The following CACNA2D3 variants were observed in gnomAD, a reference collection of about 807,000 sequenced individuals.
CACNA2D3 encodes calcium voltage-gated channel auxiliary subunit alpha2delta 3.
In CACNA2D3, 60 loss-of-function variants were observed where a neutral mutation model predicts 160.6. The ratio of observed to expected loss-of-function variants is 0.37; its 90% CI spans 0.30 to 0.46. CACNA2D3 has a LOEUF of 0.46. Among genes scored for constraint, CACNA2D3 ranks in the 20% least tolerant of loss-of-function variants. CACNA2D3 has a pLI of 1.00. For missense variants in CACNA2D3, 1,205 were observed against 1,365.0 expected (o/e 0.88, Z 1.85); for synonymous variants, 558 against 492.9 (o/e 1.13, Z -1.75).
At chr3:54,866,672 T>TTTTA (rs1408136724) in intron 17 of CACNA2D3, among the ~76,000 whole-genome samples, 1 of 152,214 alleles carries the variant, frequency 6.6e-6, no homozygotes, top group East Asian at 1.9e-4. Context: ...AGGGTTTTTG[T>TTTTA]TTTATTTAAA....
At chr3:54,382,034 A>G (rs1272459011) in intron 3 of CACNA2D3, among the ~76,000 whole-genome samples, 2 of 152,344 alleles carry the variant, frequency 1.3e-5, no homozygotes, top group African/African-American at 2.4e-5. Context: ...TTTGTGGACA[A>G]AACTGCTGTT....
At chr3:54,918,485 CT>C (rs773960758) in intron 27 of CACNA2D3, 1 of 1,612,624 alleles carries the variant, frequency 6.2e-7, no homozygotes, top group Middle Eastern at 1.7e-4. Flanking sequence ...TCAAATCGCT[CT>C]TTTTCTTCCA....
intron 4 of CACNA2D3, among the ~76,000 whole-genome samples, chr3:54,471,210 C>T (rs1458445843): frequency 6.6e-6 from 1 of 152,184 alleles, no homozygotes; most frequent in Non-Finnish European, 1.5e-5. Context: ...TTTCTCAGAC[C>T]ACAGTGCAAT....
At chr3:54,839,422 G>A (rs892402617) in intron 16 of CACNA2D3, among the ~76,000 whole-genome samples, 2 of 152,130 alleles carry the variant, frequency 1.3e-5, no homozygotes, top group Admixed American at 1.3e-4. Context: ...TCTAAATGTA[G>A]GCATGAGCAT....
chr3:54,703,402 TA>T (rs909909377), intron 11 of CACNA2D3, among the ~76,000 whole-genome samples: 1 of 152,174 alleles, frequency 6.6e-6, no homozygotes. Flanking sequence ...AAACTAAATG[TA>T]AAAGTAGTTT....
Position 54,871,204 on chromosome 3 carries a change from C to CACACACACAGAG in CACNA2D3, c.1627-326_1627-325insGAGACACACACA, listed in dbSNP as rs1553897833. Among the ~76,000 whole-genome samples the CACACACACAGAG allele has an allele frequency of 2.1e-3, 309 of 145,926 alleles. 3 individuals carry two copies. The highest frequency in any genetic ancestry group is 7.7e-3 in the African/African-American group (287 of 37,318). On this transcript the variant is annotated intron_variant, in intron 17 of 37. Coordinates refer to ENST00000474759, the MANE Select transcript of CACNA2D3 (RefSeq NM_018398.3). Reference sequence around the variant, plus strand: ...GGAGACACACACACACACACACACACACACACACACACACACACACCCCCC... The same window carrying CACACACACAGAG: ...GGAGACACACACACACACACACACACACACACACAGAGACACACACACACACACACACCCCCC...
At position 54,410,741 on chromosome 3, in the gene CACNA2D3, C is replaced by T. The variant is rs557884559; in HGVS notation, c.381+23967C>T. Among the ~76,000 whole-genome samples, 6 of 152,300 alleles carry T rather than the reference C, an allele frequency of 3.9e-5. No homozygotes were observed. In the East Asian group the frequency reaches 5.8e-4, roughly 15 times the overall value. On this transcript the variant is annotated intron_variant, in intron 4 of 37. Coordinates refer to ENST00000474759, the MANE Select transcript of CACNA2D3 (RefSeq NM_018398.3). ...TTAATGTTGTTTTCATGCCTGCTAA[C>T]GCAACATCCGTTCTACAGTCCACGG...
intron 4 of CACNA2D3, among the ~76,000 whole-genome samples, chr3:54,474,446 T>C (rs887288113): frequency 2.6e-5 from 4 of 152,040 alleles, no homozygotes; most frequent in African/African-American, 9.7e-5. Context: ...ATACCTAATG[T>C]AGATGATGGG....
At chr3:54,156,958 A>G (rs1162136711) in intron 2 of CACNA2D3, among the ~76,000 whole-genome samples, 1 of 152,218 alleles carries the variant, frequency 6.6e-6, no homozygotes, top group East Asian at 1.9e-4. Flanking sequence ...CTATACAGTA[A>G]TAGATAGTAC....
intron 2 of CACNA2D3, among the ~76,000 whole-genome samples, chr3:54,154,206 T>C (rs1208167512): frequency 1.3e-5 from 2 of 152,248 alleles, no homozygotes; most frequent in Non-Finnish European, 2.9e-5. Context: ...GGTTTTACTA[T>C]GTATCAAGTT....
At chr3:54,206,883 G>A (rs1701285627) in intron 2 of CACNA2D3, among the ~76,000 whole-genome samples, 1 of 152,150 alleles carries the variant, frequency 6.6e-6, no homozygotes, top group African/African-American at 2.4e-5. Context: ...TTTATTTCTT[G>A]GTCATGACTA....
At chr3:54,334,069 G>C (rs2107520358) in intron 3 of CACNA2D3, among the ~76,000 whole-genome samples, 1 of 152,224 alleles carries the variant, frequency 6.6e-6, no homozygotes, top group African/African-American at 2.4e-5. Context: ...CCAGTCATTT[G>C]TTTTATGTGT....
chr3:54,386,681 A>C, intron 3 of CACNA2D3, 34 bp from the exon 4 acceptor site: 1 of 1,516,614 alleles, frequency 6.6e-7, no homozygotes, highest in Non-Finnish European at 8.8e-7. Flanking sequence ...TCTGATCCTT[A>C]ATGCTGTCTT....
chr3:54,698,578 C>T (rs901106385), intron 11 of CACNA2D3, among the ~76,000 whole-genome samples: 5 of 152,128 alleles, frequency 3.3e-5, no homozygotes, highest in African/African-American at 1.2e-4. Context: ...AAATACTTGA[C>T]ATTCGGAAGG....
At chr3:54,845,141 G>A (rs892200330) in intron 16 of CACNA2D3, among the ~76,000 whole-genome samples, 1 of 123,052 alleles carries the variant, frequency 8.1e-6, no homozygotes, top group Non-Finnish European at 1.7e-5. Flanking sequence ...ATCTTATTAA[G>A]ACTTGCTGTG....
intron 5 of CACNA2D3, among the ~76,000 whole-genome samples, chr3:54,535,777 A>G (rs1386274823): frequency 1.3e-5 from 2 of 152,248 alleles, no homozygotes; most frequent in Non-Finnish European, 2.9e-5. Context: ...ACATCAGGAC[A>G]TATTGTCCAA....
intron 35 of CACNA2D3, among the ~76,000 whole-genome samples, chr3:55,072,829 G>T (rs1417366611): frequency 6.6e-6 from 1 of 152,202 alleles, no homozygotes; most frequent in African/African-American, 2.4e-5. Flanking sequence ...TGGATCAGAA[G>T]GTCAGAGCAG....
rs2107239247 is a variant in CACNA2D3 at position 54,122,809 on chromosome 3, C to T, written c.96C>T (p.Arg32=). Residue 32 remains arginine (R), a synonymous_variant, in exon 1 of 38, where the codon CGC becomes CGT. Transcript: ENST00000474759. Reference sequence around the variant, plus strand: ...ACGCCGCGCTGGGGGACGTGGTGCGCTCGGAGCAGCAGATACCGCTCTCCG... The same window carrying T: ...ACGCCGCGCTGGGGGACGTGGTGCGTTCGGAGCAGCAGATACCGCTCTCCG... ...LLYAALGDVV[R]SEQQIPLSVV... 3.2e-6 allele frequency: 4 copies of T among 1,232,614 alleles called. No homozygotes were observed. The highest frequency in any genetic ancestry group is 6.4e-5 in the East Asian group (2 of 31,110). The allele number at this position is 1,232,614 out of a possible 1,614,324, so 76.4% of individuals were successfully genotyped here.
intron 27 of CACNA2D3, among the ~76,000 whole-genome samples, chr3:54,904,466 C>G (rs1355168257): frequency 2.0e-5 from 3 of 152,178 alleles, no homozygotes; most frequent in Non-Finnish European, 4.4e-5. Flanking sequence ...ACAAGATACT[C>G]AATCCCAATA....
Sources: allele counts gnomAD v4.1 joint callset (sites outside exome capture counted in the v4.1 genomes callset), GRCh38; gene constraint gnomAD v4.1.1; transcripts MANE v1.5; gene names NCBI Gene and HGNC (gene_info 2026-07-23, HGNC 2026-07-21).